Variants in RGL1 observed in about 807,000 individuals in gnomAD.
RGL1 encodes the protein ral guanine nucleotide dissociation stimulator like 1, also known as ral guanine nucleotide dissociation stimulator-like 1.
A neutral mutation model predicts 95.2 loss-of-function variants in RGL1; 24 were observed. The ratio of observed to expected loss-of-function variants is 0.25; its 90% CI spans 0.18 to 0.35. The LOEUF (loss-of-function observed/expected upper bound fraction) is 0.35, where lower values mean the gene tolerates loss of function less well. RGL1 is among the 10% of genes least tolerant of loss of function. The pLI, the probability that RGL1 is intolerant of heterozygous loss-of-function variation, is 1.00. For missense variants in RGL1, 715 were observed against 936.3 expected, an observed-to-expected ratio of 0.76 and a Z score of 3.08; for synonymous variants, 329 against 344.9, an observed-to-expected ratio of 0.95 and a Z score of 0.51.
At chr1:183,759,468 T>A (rs1436957856) in intron 2 of RGL1, among the ~76,000 whole-genome samples, 1 of 152,156 alleles carries the variant, frequency 6.6e-6, no homozygotes, top group Non-Finnish European at 1.5e-5. Context: ...AATTTGCACA[T>A]CAAAGGTATG....
At chr1:183,883,400 G>C (rs1292993594) in intron 5 of RGL1, among the ~76,000 whole-genome samples, 1 of 152,162 alleles carries the variant, frequency 6.6e-6, no homozygotes, top group African/African-American at 2.4e-5. Context: ...CTGGTTATAA[G>C]TCGCCCAGCA....
In RGL1 at chr1:183,680,250, G is replaced by T. The variant is rs1039354133; in HGVS notation, c.-33+43749G>T. Among the ~76,000 whole-genome samples the T allele has an allele frequency of 2.0e-5, 3 of 152,050 alleles. No homozygotes were observed. In the East Asian group the frequency reaches 5.8e-4, roughly 29 times the overall value. ...ATTCCATTTGTCAATTTTGGTTTTT[G>T]TTGCCATTGCTTTTGGTGTTTTAGT... is the stretch of plus-strand genomic sequence containing the variant. On this transcript the variant is annotated intron_variant, in intron 1 of 18. Transcript: ENST00000304685.
intron 2 of RGL1, among the ~76,000 whole-genome samples, chr1:183,769,648 C>A (rs1659178434): frequency 6.6e-6 from 1 of 152,236 alleles, no homozygotes; most frequent in Admixed American, 6.5e-5. Flanking sequence ...ACTCTGTAGC[C>A]ATGAGATAGT....
chr1:183,916,547 G>A lies in RGL1; in HGVS notation c.1850G>A (p.Cys617Tyr), dbSNP rs1668985373. 6.2e-7 allele frequency: 1 copy of A among 1,612,358 alleles called. No homozygotes were observed. The highest frequency in any genetic ancestry group is 1.3e-5 in the African/African-American group (1 of 74,272). Residue 617 changes from cysteine (C) to tyrosine (Y), a missense_variant, in exon 16 of 18, where the codon TGC (cysteine) becomes TAC (tyrosine). By Grantham distance (194) the Cys-to-Tyr change is radical. This residue lies in a region of RGL1 where 330 missense variants were observed against 429.6 expected (regional missense o/e 0.77). Coordinates refer to ENST00000360851, the MANE Select transcript of RGL1 (RefSeq NM_001297671.3). Reference protein sequence around the residue: ...LINPLSSPPSCNNNPKIHKRS... With the variant: ...LINPLSSPPSYNNNPKIHKRS... The stretch of plus-strand genomic sequence containing the variant: ...AACCCCCTCTCCTCCCCTCCGTCCT[G>A]CAACAACAACCCCAAAATCCACAAG...
intron 1 of RGL1, among the ~76,000 whole-genome samples, chr1:183,721,205 T>C (rs77126019): frequency 0.015 from 2,313 of 152,350 alleles, 69 homozygotes; most frequent in African/African-American, 0.053. Flanking sequence ...CATATTCCTC[T>C]GTGTAGCCTG....
At chr1:183,681,841 C>T (rs1369782937) in intron 1 of RGL1, among the ~76,000 whole-genome samples, 1 of 152,096 alleles carries the variant, frequency 6.6e-6, no homozygotes, top group Non-Finnish European at 1.5e-5. Context: ...TAATTACTGC[C>T]TCAATTTAAG....
chr1:183,827,081 C>T lies in RGL1; in HGVS notation c.139-20485C>T, dbSNP rs575642518. Among the ~76,000 whole-genome samples the T allele has an allele frequency of 5.3e-5, 8 of 152,256 alleles. No homozygotes were observed. In the South Asian group the frequency reaches 1.7e-3, roughly 32 times the overall value. On this transcript the variant is annotated intron_variant, in intron 2 of 17. Coordinates refer to ENST00000360851, the MANE Select transcript of RGL1 (RefSeq NM_001297671.3). ...GGGATTACAGGCATACGCCACCATG[C>T]CCAGCTAATTTTTGTGTTTTTAATA...
chr1:183,742,426 G>C (rs1657369910), intron 2 of RGL1: 1 of 941,604 alleles, frequency 1.1e-6, no homozygotes, highest in Admixed American at 2.0e-5. Flanking sequence ...GCCATGACTG[G>C]AGAACAAGTA....
chr1:183,659,868 A>G (rs1416131918), intron 1 of RGL1, among the ~76,000 whole-genome samples: 1 of 150,362 alleles, frequency 6.7e-6, no homozygotes, highest in African/African-American at 2.5e-5. Flanking sequence ...CTCGGCAGAA[A>G]CTCTAGAAGC....
intron 1 of RGL1, among the ~76,000 whole-genome samples, chr1:183,674,313 G>A (rs1209687148): frequency 6.6e-6 from 1 of 152,040 alleles, no homozygotes; most frequent in Non-Finnish European, 1.5e-5. Context: ...AGTATTAATT[G>A]AAGATAAATG....
chr1:183,742,555 CT>C (rs1657376558), intron 2 of RGL1, among the ~76,000 whole-genome samples: 1 of 152,226 alleles, frequency 6.6e-6, no homozygotes, highest in Admixed American at 6.5e-5. Flanking sequence ...ATAATCTGCA[CT>C]TTAGCCTCAG....
rs1666784567 is a variant in RGL1 at position 183,880,818 on chromosome 1, C to G, written c.610+18C>G. ...AACTGACAGTGAGTACTTGTTTGTTCCCAGGGAAAAGGCTAGATTCTGATT... is the reference window on the plus strand; with the variant it reads ...AACTGACAGTGAGTACTTGTTTGTTGCCAGGGAAAAGGCTAGATTCTGATT... On this transcript the variant is annotated intron_variant, in intron 5 of 17. Coordinates refer to ENST00000360851, the MANE Select transcript of RGL1 (RefSeq NM_001297671.3). The G allele has an allele frequency of 1.2e-6, 2 of 1,609,706 alleles. No homozygotes were observed. Among genetic ancestry groups the G allele is most frequent in the African/African-American group, 2.7e-5 (2 of 74,814 alleles).
intron 1 of RGL1, among the ~76,000 whole-genome samples, chr1:183,680,999 G>A (rs1462485626): frequency 6.6e-6 from 1 of 152,202 alleles, no homozygotes; most frequent in Non-Finnish European, 1.5e-5. Flanking sequence ...GTATAAGAAT[G>A]CTTGTGATTT....
intron 2 of RGL1, among the ~76,000 whole-genome samples, chr1:183,744,524 C>T (rs1055487621): frequency 6.6e-6 from 1 of 152,152 alleles, no homozygotes; most frequent in South Asian, 2.1e-4. Context: ...TGATGCTTGT[C>T]TCACTCCAGT....
chr1:183,853,834 A>T (rs1664976214), intron 3 of RGL1, among the ~76,000 whole-genome samples: 1 of 151,738 alleles, frequency 6.6e-6, no homozygotes, highest in South Asian at 2.1e-4. Context: ...CTTTAAAGGA[A>T]CCCTTTTTTG....
chr1:183,820,194 C>A (rs924842345), intron 2 of RGL1, among the ~76,000 whole-genome samples: 1 of 152,084 alleles, frequency 6.6e-6, no homozygotes, highest in South Asian at 2.1e-4. Flanking sequence ...AATTTTTGTT[C>A]ACAGGCACAC....
intron 2 of RGL1, among the ~76,000 whole-genome samples, chr1:183,794,055 G>GACAC (rs147087444): frequency 0.019 from 2,838 of 145,984 alleles, 33 homozygotes; most frequent in Middle Eastern, 0.038. Context: ...AGAAAATGTG[G>GACAC]ACACACACAC....
chr1:183,904,890 C>T lies in RGL1; in HGVS notation c.1391C>T (p.Ala464Val), dbSNP rs370100542. The T allele has an allele frequency of 1.9e-6, 3 of 1,613,448 alleles. No individual in the cohort carries two copies. The highest frequency in any genetic ancestry group is 2.5e-6 in the Non-Finnish European group (3 of 1,179,712). ...GCCCAGATAAAGCTCTTACAGTCTGCCTGCAACAGCTATTGCATGACCCCA... is the reference window on the plus strand; with the variant it reads ...GCCCAGATAAAGCTCTTACAGTCTGTCTGCAACAGCTATTGCATGACCCCA... ...VIAQIKLLQS[A>V]CNSYCMTPDQ... The change falls in exon 13 of 18, where the codon GCC becomes GTC. Residue 464 changes from alanine (A) to valine (V), a missense_variant. Physicochemically the swap from Ala to Val is moderately conservative, Grantham distance 64. Coordinates refer to ENST00000360851, the MANE Select transcript of RGL1 (RefSeq NM_001297671.3).
intron 17 of RGL1, among the ~76,000 whole-genome samples, chr1:183,922,608 C>G (rs1396975741): frequency 6.6e-6 from 1 of 152,166 alleles, no homozygotes; most frequent in Admixed American, 6.5e-5. Flanking sequence ...TCTTCAAACA[C>G]TTTTCTAGGA....
Sources: gnomAD v4.1 joint callset for allele counts (sites outside exome capture counted in the v4.1 genomes callset) on GRCh38, gnomAD v4.1.1 for gene constraint, gnomAD v4.1.1 regional missense constraint, MANE v1.5 for transcripts, NCBI Gene and HGNC (gene_info 2026-07-23, HGNC 2026-07-21) for gene names.